Variants in PTPRD observed in about 807,000 individuals in gnomAD.
The protein encoded by PTPRD is protein tyrosine phosphatase receptor type D.
A neutral mutation model predicts 214.5 loss-of-function variants in PTPRD; 34 were observed. That is an observed-to-expected ratio of 0.16 (90% CI 0.12 to 0.21). The LOEUF is 0.21. Among genes scored for constraint, PTPRD ranks in the 10% least tolerant of loss-of-function variants. The probability of loss-of-function intolerance (pLI) is 1.00; values close to 1 mark genes in which losing one functional copy is unlikely to be tolerated. For synonymous variants in PTPRD, 1,128 were observed against 845.7 expected (o/e 1.33, Z -5.79); for missense variants, 2,545 against 2,398.7 (o/e 1.06, Z -1.27).
intron 8 of PTPRD, among the ~76,000 whole-genome samples, chr9:9,521,436 A>C (rs1380518425): frequency 6.6e-6 from 1 of 152,116 alleles, no homozygotes; most frequent in African/African-American, 2.4e-5. Flanking sequence ...AGGGAAAAAA[A>C]CCTGGCAGAT....
At chr9:10,423,173 G>C (rs1480981637) in intron 2 of PTPRD, among the ~76,000 whole-genome samples, 4 of 151,970 alleles carry the variant, frequency 2.6e-5, no homozygotes, top group Non-Finnish European at 5.9e-5. Flanking sequence ...GATGAAGCTG[G>C]AAACCATCAT....
intron 7 of PTPRD, among the ~76,000 whole-genome samples, chr9:9,639,329 C>A (rs2095865160): frequency 6.6e-6 from 1 of 152,148 alleles, no homozygotes; most frequent in South Asian, 2.1e-4. Flanking sequence ...TAAATATTTA[C>A]TGAGTGAACG....
chr9:9,405,709 T>C (rs977475269), intron 8 of PTPRD, among the ~76,000 whole-genome samples: 4 of 152,068 alleles, frequency 2.6e-5, no homozygotes, highest in African/African-American at 9.6e-5. Context: ...TTGTGGTTGG[T>C]GCAAAATCGA....
intron 8 of PTPRD, among the ~76,000 whole-genome samples, chr9:9,401,250 T>C (rs551359237): frequency 1.3e-5 from 2 of 152,198 alleles, no homozygotes; most frequent in South Asian, 2.1e-4. Flanking sequence ...CATGCATACA[T>C]AATAATCTCT....
At chr9:9,993,055 T>C (rs1035138222) in intron 4 of PTPRD, among the ~76,000 whole-genome samples, 5 of 152,202 alleles carry the variant, frequency 3.3e-5, no homozygotes, top group African/African-American at 4.8e-5. Context: ...ATACATACTT[T>C]AGAAAATTTA....
intron 8 of PTPRD, among the ~76,000 whole-genome samples, chr9:9,527,682 A>G (rs1324459687): frequency 6.6e-6 from 1 of 152,016 alleles, no homozygotes; most frequent in Non-Finnish European, 1.5e-5. Context: ...AGTCATTTTT[A>G]TTTCTTTTTT....
At chr9:10,561,728 C>T (rs1268157043) in intron 2 of PTPRD, among the ~76,000 whole-genome samples, 3 of 152,068 alleles carry the variant, frequency 2.0e-5, no homozygotes, top group African/African-American at 7.2e-5. Context: ...TGTTTTGTGA[C>T]ATAATCTTTC....
intron 4 of PTPRD, among the ~76,000 whole-genome samples, chr9:10,006,831 C>A (rs1270322036): frequency 2.0e-5 from 3 of 151,946 alleles, no homozygotes; most frequent in African/African-American, 7.2e-5. Flanking sequence ...CCATTCCATT[C>A]TATCTACTGG....
At chr9:8,985,080 C>T (rs542841760) in intron 11 of PTPRD, among the ~76,000 whole-genome samples, 1 of 152,090 alleles carries the variant, frequency 6.6e-6, no homozygotes, top group African/African-American at 2.4e-5. Context: ...AAAAACATCT[C>T]GCAACAGACA....
rs570940107 is a variant in PTPRD, at chr9:10,602,920, C to G, written c.-600+9478G>C. ...GATCCTAAATGTCACTCCACTCCACCATGAGCTTATCTTCCCTACCTCCAC... is the reference window on the plus strand; with the variant it reads ...GATCCTAAATGTCACTCCACTCCACGATGAGCTTATCTTCCCTACCTCCAC... On this transcript the variant is annotated intron_variant, in intron 2 of 45. Transcript: ENST00000381196. Among the ~76,000 whole-genome samples, 3 of 151,838 alleles carry G rather than the reference C, an allele frequency of 2.0e-5. No homozygotes were observed. The South Asian group carries it at 6.2e-4, about 32-fold the overall frequency.
intron 3 of PTPRD, among the ~76,000 whole-genome samples, chr9:10,051,913 T>A (rs291254): frequency 1.2e-4 from 18 of 152,086 alleles, no homozygotes; most frequent in Non-Finnish European, 1.5e-5. Context: ...AGCAACCACA[T>A]GTTTTACTTA....
intron 4 of PTPRD, among the ~76,000 whole-genome samples, chr9:10,002,266 C>G (rs1292177306): frequency 6.7e-6 from 1 of 148,416 alleles, no homozygotes; most frequent in East Asian, 2.0e-4. Flanking sequence ...AAAAAAGACA[C>G]AAGACATACA....
chr9:10,115,173 G>C (rs1378241959), intron 3 of PTPRD, among the ~76,000 whole-genome samples: 2 of 151,820 alleles, frequency 1.3e-5, no homozygotes, highest in Non-Finnish European at 2.9e-5. Flanking sequence ...TATTCCTTTG[G>C]GTGTATCTAG....
intron 2 of PTPRD, among the ~76,000 whole-genome samples, chr9:10,470,066 G>T (rs1375252843): frequency 1.3e-5 from 2 of 151,970 alleles, no homozygotes; most frequent in Admixed American, 6.6e-5. Flanking sequence ...ACCAAAATAG[G>T]GGGCTTATAT....
At position 8,948,507 on chromosome 9, in the gene PTPRD, A is replaced by ATATATATT. The variant is rs2099082869; in HGVS notation, c.-104+70189_-104+70190insAATATATA. Among the ~76,000 whole-genome samples the ATATATATT allele has an allele frequency of 2.2e-4, 3 of 13,618 alleles. 1 individual carries two copies. The highest frequency in any genetic ancestry group is 2.7e-4 in the Non-Finnish European group (2 of 7,294). The allele number at this position is 13,618 out of a possible 152,430, so 8.9% of individuals were successfully genotyped here. On this transcript the variant is annotated intron_variant, in intron 11 of 45. Coordinates refer to ENST00000381196, the MANE Select transcript of PTPRD (RefSeq NM_002839.4). ...TATATATATATTTATATATATATTT[A>ATATATATT]TATATATATATTTATATATATATTT...
intron 5 of PTPRD, among the ~76,000 whole-genome samples, chr9:9,930,664 T>G (rs1276081014): frequency 6.6e-6 from 1 of 152,130 alleles, no homozygotes; most frequent in Non-Finnish European, 1.5e-5. Flanking sequence ...AAAGATAGCA[T>G]TGAGTATATC....
chr9:10,473,096 T>C (rs1358772885), intron 2 of PTPRD, among the ~76,000 whole-genome samples: 1 of 152,116 alleles, frequency 6.6e-6, no homozygotes, highest in Non-Finnish European at 1.5e-5. Flanking sequence ...GTACCCAAAA[T>C]TATTTTAAGC....
intron 11 of PTPRD, among the ~76,000 whole-genome samples, chr9:8,826,619 C>G (rs1254384387): frequency 7.2e-6 from 1 of 139,196 alleles, no homozygotes; most frequent in Non-Finnish European, 1.5e-5. Context: ...GATTCCAAGA[C>G]TGCAGGCACC....
At chr9:9,944,124 G>A (rs543236343) in intron 4 of PTPRD, among the ~76,000 whole-genome samples, 56 of 152,250 alleles carry the variant, frequency 3.7e-4, no homozygotes, top group African/African-American at 1.3e-3. Context: ...AAACCTTCCA[G>A]TGACGTTGGC....
Sources: gnomAD v4.1 joint callset for allele counts (sites outside exome capture counted in the v4.1 genomes callset) on GRCh38, gnomAD v4.1.1 for gene constraint, MANE v1.5 for transcripts, NCBI Gene and HGNC (gene_info 2026-07-23, HGNC 2026-07-21) for gene names.